Variants in MAP4K4 observed in about 807,000 individuals in gnomAD.
MAP4K4 encodes the protein mitogen-activated protein kinase kinase kinase kinase 4.
MAP4K4 carries 38 observed loss-of-function variants against 189.6 expected under a neutral mutation model. That is an observed-to-expected ratio of 0.20 (90% CI 0.15 to 0.26). The LOEUF (loss-of-function observed/expected upper bound fraction) is 0.26. MAP4K4 is among the 10% of genes least tolerant of loss of function. The pLI is 1.00. For missense variants in MAP4K4, 1,054 were observed against 1,726.9 expected (o/e 0.61, Z 6.91); for synonymous variants, 610 against 624.3 (o/e 0.98, Z 0.34).
At chr2:101,749,179 C>T (rs1211332050) in intron 2 of MAP4K4, among the ~76,000 whole-genome samples, 11 of 151,494 alleles carry the variant, frequency 7.3e-5, no homozygotes, top group African/African-American at 2.7e-4. Flanking sequence ...CATATGGAAC[C>T]AAAAAAGAGC....
chr2:101,701,363 G>GTGA, intron 2 of MAP4K4, among the ~76,000 whole-genome samples: 1 of 152,146 alleles, frequency 6.6e-6, no homozygotes, highest in African/African-American at 2.4e-5. Context: ...GGAGGGGGAG[G>GTGA]GGTGTGTGTG....
intron 27 of MAP4K4, among the ~76,000 whole-genome samples, 171 bp downstream of exon 27, chr2:101,877,317 C>T (rs528534554): frequency 8.5e-5 from 13 of 152,304 alleles, no homozygotes; most frequent in South Asian, 4.1e-4. Context: ...GTGACACACA[C>T]GCCCATTTGA....
chr2:101,703,217 T>C (rs1375965893), intron 2 of MAP4K4, among the ~76,000 whole-genome samples: 3 of 151,138 alleles, frequency 2.0e-5, no homozygotes, highest in Non-Finnish European at 3.0e-5. Flanking sequence ...GCAGTGGTGG[T>C]AGAGAGGAGG....
chr2:101,739,369 A>G (rs1282890108), intron 2 of MAP4K4, among the ~76,000 whole-genome samples: 2 of 151,638 alleles, frequency 1.3e-5, no homozygotes, highest in African/African-American at 4.8e-5. Context: ...TTCTTCATGG[A>G]TAGGAGTCCT....
At chr2:101,881,784 C>T (rs2098398894) in intron 27 of MAP4K4, among the ~76,000 whole-genome samples, 2 of 152,108 alleles carry the variant, frequency 1.3e-5, no homozygotes, top group South Asian at 2.1e-4. Context: ...TTGATATGAT[C>T]ATATGATTTT....
At chr2:101,787,759 C>G (rs1220450949) in intron 2 of MAP4K4, among the ~76,000 whole-genome samples, 2 of 151,312 alleles carry the variant, frequency 1.3e-5, no homozygotes, top group Non-Finnish European at 2.9e-5. Context: ...GGTGACCCAT[C>G]TCAGCAGGTA....
intron 2 of MAP4K4, among the ~76,000 whole-genome samples, chr2:101,769,383 G>A (rs1393350516): frequency 6.6e-6 from 1 of 152,086 alleles, no homozygotes; most frequent in African/African-American, 2.4e-5. Flanking sequence ...TTAAGTGGAG[G>A]GATGGAAGTG....
chr2:101,868,172 A>C (rs981241995), intron 21 of MAP4K4, 135 bp downstream of exon 21: 18 of 935,600 alleles, frequency 1.9e-5, no homozygotes, highest in Non-Finnish European at 2.8e-5. Context: ...AAAAACCTCA[A>C]ACTTTACTCC....
chr2:101,718,256 CAAAAA>C (rs879284137), intron 2 of MAP4K4, among the ~76,000 whole-genome samples: 1 of 88,846 alleles, frequency 1.1e-5, no homozygotes, highest in Admixed American at 1.3e-4. Context: ...GACTCCGTCT[CAAAAA>C]AAAAAAAAAA....
At chr2:101,785,683 T>TTTTCATTTTTTGAGTTGGAGTCTTG (rs1558913142) in intron 2 of MAP4K4, among the ~76,000 whole-genome samples, 9 of 1,816 alleles carry the variant, frequency 5.0e-3, no homozygotes, top group African/African-American at 0.026. Context: ...TCTCCCTCTC[T>TTTTCATTTTTTGAGTTGGAGTCTTG]CTCTCTCTCT....
intron 3 of MAP4K4, among the ~76,000 whole-genome samples, chr2:101,819,724 C>T (rs748751981): frequency 1.4e-4 from 21 of 152,224 alleles, no homozygotes; most frequent in Non-Finnish European, 2.4e-4. Flanking sequence ...GATGATATTT[C>T]GGTGTTTCCG....
intron 2 of MAP4K4, among the ~76,000 whole-genome samples, chr2:101,759,992 C>T (rs889975599): frequency 2.3e-4 from 35 of 151,638 alleles, no homozygotes; most frequent in Middle Eastern, 3.4e-3. Flanking sequence ...TACAGGTGCA[C>T]GCCACCACAC....
intron 12 of MAP4K4, among the ~76,000 whole-genome samples, chr2:101,844,765 C>T (rs2097040085): frequency 6.6e-6 from 1 of 151,090 alleles, no homozygotes; most frequent in Admixed American, 6.6e-5. Flanking sequence ...TTTCTAAATG[C>T]CTTAACCTTG....
intron 2 of MAP4K4, among the ~76,000 whole-genome samples, chr2:101,765,960 T>TA (rs1383946294): frequency 1.3e-5 from 2 of 151,944 alleles, no homozygotes; most frequent in Non-Finnish European, 2.9e-5. Context: ...GTTTCATCTT[T>TA]AAAAAAAATT....
intron 16 of MAP4K4, chr2:101,862,263 AAAAAAG>A (rs2097686185): frequency 1.3e-5 from 2 of 151,724 alleles, no homozygotes. Context: ...AAAAAAAAAA[AAAAAAG>A]GAACAGCTAG....
chr2:101,824,057 G>A lies in MAP4K4; in HGVS notation c.306+4G>A, dbSNP rs1347949309. On this transcript the variant is annotated splice_donor_region_variant and intron_variant, in intron 4 of 32. Coordinates refer to ENST00000324219, the Ensembl canonical transcript of MAP4K4. ...AGGACATGATGACCAACTCTGGGTA[G>A]GTGGATGTTTCCTGAGCATTTGTGG... The A allele has an allele frequency of 6.5e-7, 1 of 1,528,760 alleles. No individual in the cohort carries two copies. Among genetic ancestry groups the A allele is most frequent in the Non-Finnish European group, 8.8e-7 (1 of 1,134,498 alleles). The allele number at this position is 1,528,760 out of a possible 1,614,324, so 94.7% of individuals were successfully genotyped here.
intron 2 of MAP4K4, among the ~76,000 whole-genome samples, chr2:101,750,918 A>G (rs1225151315): frequency 1.3e-5 from 2 of 151,804 alleles, no homozygotes; most frequent in Non-Finnish European, 2.9e-5. Flanking sequence ...GTGTATTCAG[A>G]TAATGTTTGC....
intron 9 of MAP4K4, among the ~76,000 whole-genome samples, chr2:101,838,551 C>A (rs2096830173): frequency 1.3e-5 from 2 of 152,136 alleles, no homozygotes; most frequent in South Asian, 2.1e-4. Context: ...CTTCTCTGTC[C>A]TACCTTATGA....
chr2:101,889,033 A>G (rs2082309899), intron 32 of MAP4K4, 98 bp downstream of exon 32: 4 of 1,143,298 alleles, frequency 3.5e-6, no homozygotes, highest in Non-Finnish European at 2.4e-6. Flanking sequence ...GAGTTTTGAT[A>G]AAAATAATCA....
Sources: allele counts gnomAD v4.1 joint callset (sites outside exome capture counted in the v4.1 genomes callset), GRCh38; gene constraint gnomAD v4.1.1; transcripts MANE v1.5; gene names NCBI Gene and HGNC (gene_info 2026-07-23, HGNC 2026-07-21).